C3orf20: variants seen among roughly 807,000 people sequenced by gnomAD.
C3orf20 encodes the protein uncharacterized protein C3orf20.
Under a neutral mutation model 88.3 loss-of-function variants are expected in C3orf20, and 76 were observed. That is an observed-to-expected ratio of 0.86 (90% confidence interval 0.72 to 1.04). The LOEUF (loss-of-function observed/expected upper bound fraction) is 1.04. C3orf20 is among the 50% of genes least tolerant of loss of function. The probability of loss-of-function intolerance (pLI) is 0.00; values close to 1 mark genes in which losing one functional copy is unlikely to be tolerated. For synonymous variants in C3orf20, 436 were observed against 437.4 expected (o/e 1.00, Z 0.04); for missense variants, 1,056 against 1,123.3 (o/e 0.94, Z 0.86).
intron 12 of C3orf20, among the ~76,000 whole-genome samples, chr3:14,738,627 G>T (rs1423082001): frequency 7.9e-6 from 1 of 126,356 alleles, no homozygotes; most frequent in Non-Finnish European, 1.6e-5. Context: ...CACCATGCCC[G>T]GCCTTTTTTT....
At chr3:14,760,078 G>T in intron 14 of C3orf20, 80 bp downstream of exon 14, 1 of 1,020,326 alleles carries the variant, frequency 9.8e-7, no homozygotes, top group East Asian at 2.5e-5. Flanking sequence ...CACACATGTG[G>T]GAGGAGGAGG....
chr3:14,713,586 G>C (rs1301122803), intron 7 of C3orf20, among the ~76,000 whole-genome samples: 1 of 152,142 alleles, frequency 6.6e-6, no homozygotes, highest in Non-Finnish European at 1.5e-5. Context: ...ATCAAATCCT[G>C]GCTCTAGCCA....
At chr3:14,707,248 C>CAA (rs10662478) in intron 7 of C3orf20, among the ~76,000 whole-genome samples, 4,475 of 93,736 alleles carry the variant, frequency 0.048, 278 homozygotes, top group African/African-American at 0.072. Flanking sequence ...GACTCCGTCT[C>CAA]AAAAAAAAAA....
chr3:14,722,123 G>A (rs1381390070), intron 10 of C3orf20: 7 of 288,126 alleles, frequency 2.4e-5, no homozygotes, highest in South Asian at 4.2e-5. Flanking sequence ...CCAGATCTTC[G>A]CATCTCTTGG....
chr3:14,771,376 A>G (rs2035854414), intron 15 of C3orf20, among the ~76,000 whole-genome samples: 1 of 152,252 alleles, frequency 6.6e-6, no homozygotes, highest in Admixed American at 6.5e-5. Flanking sequence ...TGGCTGAAAC[A>G]ACAGAAATTC....
chr3:14,750,975 T>C (rs2035204066), intron 12 of C3orf20, among the ~76,000 whole-genome samples: 1 of 152,186 alleles, frequency 6.6e-6, no homozygotes, highest in Non-Finnish European at 1.5e-5. Flanking sequence ...TTAGGCTCTG[T>C]TAATTGTTCT....
At chr3:14,695,345 G>A (rs545388491) in intron 5 of C3orf20, among the ~76,000 whole-genome samples, 2 of 151,798 alleles carry the variant, frequency 1.3e-5, no homozygotes, top group East Asian at 1.9e-4. Flanking sequence ...TGTGGTCAGC[G>A]AAGATGGTTG....
intron 4 of C3orf20, among the ~76,000 whole-genome samples, chr3:14,688,795 GTA>G (rs887726873): frequency 6.6e-6 from 1 of 151,264 alleles, no homozygotes; most frequent in Non-Finnish European, 1.5e-5. Flanking sequence ...GCTCGTGTAT[GTA>G]TATATATATA....
chr3:14,753,324 A>T (rs977198004), intron 12 of C3orf20, among the ~76,000 whole-genome samples: 5 of 152,172 alleles, frequency 3.3e-5, no homozygotes, highest in African/African-American at 1.2e-4. Flanking sequence ...AACATCACAC[A>T]CCAGGGCCTG....
chr3:14,676,128 G>C (rs1203405398), intron 1 of C3orf20, among the ~76,000 whole-genome samples: 1 of 44,748 alleles, frequency 2.2e-5, no homozygotes, highest in Non-Finnish European at 4.6e-5. Context: ...TTTTTTTTTT[G>C]GTCATTATTC....
At chr3:14,703,464 C>T (rs1215366962) in intron 6 of C3orf20, among the ~76,000 whole-genome samples, 1 of 152,230 alleles carries the variant, frequency 6.6e-6, no homozygotes, top group Admixed American at 6.5e-5. Flanking sequence ...CGTGTCCTTC[C>T]CTGCTCACCA....
chr3:14,730,748 C>T (rs987322031), intron 12 of C3orf20, among the ~76,000 whole-genome samples: 4 of 152,168 alleles, frequency 2.6e-5, no homozygotes, highest in African/African-American at 7.2e-5. Flanking sequence ...GGTCGTTTTA[C>T]GTTCTGCTCC....
intron 7 of C3orf20, among the ~76,000 whole-genome samples, chr3:14,710,987 G>A (rs1181376966): frequency 1.3e-5 from 2 of 151,416 alleles, no homozygotes; most frequent in African/African-American, 2.4e-5. Context: ...TCTGCCTCCC[G>A]AGTTCAAGTG....
chr3:14,765,868 T>C (rs11128719), intron 15 of C3orf20, among the ~76,000 whole-genome samples: 107,982 of 152,082 alleles, frequency 0.71, 38,278 homozygotes, highest in East Asian at 0.74. Context: ...CACAAAGGAG[T>C]CGGACCATAG....
intron 10 of C3orf20, among the ~76,000 whole-genome samples, chr3:14,726,244 C>A (rs992397044): frequency 2.0e-5 from 3 of 152,218 alleles, no homozygotes; most frequent in African/African-American, 7.2e-5. Context: ...TCAGAATGAT[C>A]CTTCAGCGTA....
In C3orf20 at chr3:14,727,007, C is replaced by T. The variant is rs758323378; in HGVS notation, c.1673C>T (p.Ser558Phe). The T allele has an allele frequency of 1.2e-6, 2 of 1,614,072 alleles. No homozygotes were observed. Among genetic ancestry groups the T allele is most frequent in the Non-Finnish European group, 1.7e-6 (2 of 1,180,046 alleles). ...FQKTVTQFIN[S>F]ILLAAGLFTI... Reference sequence around the variant, plus strand: ...AAGACAGTGACTCAGTTCATTAATTCTATCTTGCTGGCCGCAGGTAAGGAG... The same window carrying T: ...AAGACAGTGACTCAGTTCATTAATTTTATCTTGCTGGCCGCAGGTAAGGAG... The change falls in exon 11 of 17, where the codon TCT (serine) becomes TTT (phenylalanine). Residue 558 changes from serine (S) to phenylalanine (F), a missense_variant. By Grantham distance (155) the Ser-to-Phe change is radical. Coordinates refer to ENST00000253697, the MANE Select transcript of C3orf20 (RefSeq NM_032137.5).
At chr3:14,760,606 CTTTTTT>C (rs33982218) in intron 14 of C3orf20, among the ~76,000 whole-genome samples, 139 of 97,800 alleles carry the variant, frequency 1.4e-3, no homozygotes, top group African/African-American at 5.6e-3. Flanking sequence ...AGTCTGTCTT[CTTTTTT>C]TTTTTTTTTT....
Position 14,759,971 on chromosome 3 carries a change from G to A in C3orf20, c.2325G>A (p.Lys775=), listed in dbSNP as rs779820278. 6.2e-7 allele frequency: 1 copy of A among 1,613,968 alleles called. No homozygotes were observed. The highest frequency in any genetic ancestry group is 8.5e-7 in the Non-Finnish European group (1 of 1,179,946). Residue 775 remains lysine, a synonymous_variant, in exon 14 of 17, where the codon AAG becomes AAA. Transcript: ENST00000253697. Reference sequence around the variant, plus strand: ...AGGACCCTCCCCTGATGGTGAAGAAGAACTCTGTGGTGCAGGGGATGATTC... The same window carrying A: ...AGGACCCTCCCCTGATGGTGAAGAAAAACTCTGTGGTGCAGGGGATGATTC... ...LQEDPPLMVK[K]NSVVQGMILM...
chr3:14,696,550 C>T (rs1045178451), intron 5 of C3orf20, among the ~76,000 whole-genome samples: 1 of 151,998 alleles, frequency 6.6e-6, no homozygotes, highest in East Asian at 1.9e-4. Context: ...GCCACCACAC[C>T]CAGCTAATTT....
Sources: allele counts gnomAD v4.1 joint callset (sites outside exome capture counted in the v4.1 genomes callset), GRCh38; gene constraint gnomAD v4.1.1; transcripts MANE v1.5; gene names NCBI Gene and HGNC (gene_info 2026-07-23, HGNC 2026-07-21).